The following RUSC2 variants were observed in gnomAD, a reference collection of about 807,000 sequenced individuals.
The protein encoded by RUSC2 is AP-4 complex accessory subunit RUSC2.
RUSC2 carries 34 observed loss-of-function variants against 122.2 expected under a neutral mutation model. That is an observed-to-expected ratio of 0.28 (90% CI 0.21 to 0.37). RUSC2 has a LOEUF of 0.37. Among genes scored for constraint, RUSC2 ranks in the 10% least tolerant of loss-of-function variants. RUSC2 has a pLI of 1.00. For synonymous variants in RUSC2, 784 were observed against 790.0 expected, an observed-to-expected ratio of 0.99 and a Z score of 0.13; for missense variants, 1,747 against 1,952.4, an observed-to-expected ratio of 0.89 and a Z score of 1.98.
Position 35,547,087 on chromosome 9 carries a change from A to G in RUSC2, c.566A>G (p.His189Arg), listed in dbSNP as rs1415427700. ...TLDTQQCGTS[H>R]CCRPELEAET... ...GATACTCAGCAGTGCGGCACCAGCC[A>G]CTGCTGCCGGCCAGAGCTGGAAGCA... is the stretch of plus-strand genomic sequence containing the variant. Residue 189 changes from histidine to arginine, a missense_variant, in exon 2 of 12, where the codon CAC becomes CGC. Transcript: ENST00000361226. The surrounding 1 kb of genome is among the most constrained non-coding windows in gnomAD (Gnocchi z 4.6). The G allele has an allele frequency of 6.2e-7, 1 of 1,613,882 alleles. No homozygotes were observed. The highest frequency in any genetic ancestry group is 1.3e-5 in the African/African-American group (1 of 74,924).
rs1252216574 is a variant in RUSC2 at position 35,561,547 on chromosome 9, T to TTAAC, written c.*167_*170dup. The TTAAC allele has an allele frequency of 6.4e-6, 4 of 625,472 alleles. No homozygotes were observed. In the African/African-American group the frequency reaches 7.4e-5, roughly 12 times the overall value. The allele number at this position is 625,472 out of a possible 1,614,324, so 38.7% of individuals were successfully genotyped here. A position where few individuals can be genotyped will look rare whatever the true frequency, so the allele number is the denominator to read the frequency against. On this transcript the variant is annotated 3_prime_UTR_variant, in exon 12 of 12. Coordinates refer to ENST00000361226, the MANE Select transcript of RUSC2 (RefSeq NM_014806.5). ...TGTGCTCAGTATTAATTACGCCCCC[T>TTAAC]TAACTGTCCCAGTGACCTTGTCCAG...
At chr9:35,536,824 A>AAG (rs1821539136) in intron 1 of RUSC2, among the ~76,000 whole-genome samples, 2 of 151,142 alleles carry the variant, frequency 1.3e-5, no homozygotes, top group South Asian at 4.2e-4. Flanking sequence ...AAAAAAAAAA[A>AAG]AAAAAAGAAT....
chr9:35,502,248 T>C (rs920510077), intron 1 of RUSC2, among the ~76,000 whole-genome samples: 5 of 152,312 alleles, frequency 3.3e-5, no homozygotes, highest in Non-Finnish European at 5.9e-5. Flanking sequence ...GTTCTCAGCC[T>C]CTTACTTAGT....
rs995599637 is a variant in RUSC2 at position 35,557,058 on chromosome 9, G to A, written c.2983+610G>A. Among the ~76,000 whole-genome samples the A allele has an allele frequency of 2.6e-5, 4 of 151,960 alleles. No homozygotes were observed. The highest frequency in any genetic ancestry group is 1.9e-4 in the East Asian group (1 of 5,168). On this transcript the variant is annotated intron_variant, in intron 5 of 11. Transcript: ENST00000361226. The surrounding 1 kb of genome is among the most constrained non-coding windows in gnomAD (Gnocchi z 4.6). ...ATGCCTCAGTGCTCTTGGAGGGGGC[G>A]GGTGAAGGTACTAGAGGGCCCAGCA... is the stretch of plus-strand genomic sequence containing the variant.
Position 35,535,368 on chromosome 9 carries a change from G to A in RUSC2, c.-92-11062G>A, listed in dbSNP as rs539162207. ...TGACCTCAGGTGATCTGCCCGCTTC[G>A]GCCCCCCAAAGTGCTAGGATTACAG... On this transcript the variant is annotated intron_variant, in intron 1 of 11. Transcript: ENST00000361226. 1.6e-4 allele frequency among the ~76,000 whole-genome samples: 24 copies of A among 151,438 alleles called. No homozygotes were observed. The Middle Eastern group carries it at 0.01, about 64-fold the overall frequency.
intron 1 of RUSC2, among the ~76,000 whole-genome samples, chr9:35,533,621 C>T (rs1821466723): frequency 6.6e-6 from 1 of 152,204 alleles, no homozygotes; most frequent in Non-Finnish European, 1.5e-5. Context: ...GCAGGCACTC[C>T]CCATCTCTCT....
At chr9:35,528,333 A>G (rs768673442) in intron 1 of RUSC2, among the ~76,000 whole-genome samples, 5 of 151,956 alleles carry the variant, frequency 3.3e-5, no homozygotes, top group Non-Finnish European at 5.9e-5. Flanking sequence ...GCAGCGGGCT[A>G]TGATTGGGCC....
chr9:35,496,355 G>T (rs1056800650), intron 1 of RUSC2, among the ~76,000 whole-genome samples: 1 of 152,084 alleles, frequency 6.6e-6, no homozygotes, highest in Non-Finnish European at 1.5e-5. Context: ...GTTCATCTTC[G>T]TAGAAACAAA....
intron 1 of RUSC2, among the ~76,000 whole-genome samples, chr9:35,535,437 A>AT (rs112502492): frequency 0.037 from 5,315 of 144,204 alleles, 168 homozygotes; most frequent in African/African-American, 0.09. Context: ...TTTTTGATAG[A>AT]TTTTTTTTTT....
In RUSC2 at chr9:35,527,385, A is replaced by C. The variant is rs114724868; in HGVS notation, c.-92-19045A>C. 5.2e-3 allele frequency among the ~76,000 whole-genome samples: 784 copies of C among 152,058 alleles called. 8 individuals carry two copies. Among genetic ancestry groups the C allele is most frequent in the African/African-American group, 0.018 (743 of 41,488 alleles). On this transcript the variant is annotated intron_variant, in intron 1 of 11. Transcript: ENST00000361226. The stretch of plus-strand genomic sequence containing the variant: ...TTGCTATGGTGCCCAGGCTCTTACC[A>C]AATTCCTGGCCTCAAGCAATCCTCC...
At chr9:35,517,243 A>G (rs1234751290) in intron 1 of RUSC2, among the ~76,000 whole-genome samples, 2 of 152,242 alleles carry the variant, frequency 1.3e-5, no homozygotes, top group Non-Finnish European at 2.9e-5. Context: ...AGGTGTCACC[A>G]TCAACAAAGA....
chr9:35,523,840 A>G (rs1587847696), intron 1 of RUSC2, among the ~76,000 whole-genome samples: 1 of 151,698 alleles, frequency 6.6e-6, no homozygotes, highest in East Asian at 1.9e-4. Context: ...AAAAATAAAA[A>G]TTTAAGCCAA....
At chr9:35,520,970 G>C (rs1407344) in intron 1 of RUSC2, among the ~76,000 whole-genome samples, 65,868 of 151,936 alleles carry the variant, frequency 0.43, 15,275 homozygotes, top group Admixed American at 0.54. Flanking sequence ...ATTCCCTATA[G>C]TCTTCCTCTC....
At chr9:35,528,176 G>A (rs1224632640) in intron 1 of RUSC2, among the ~76,000 whole-genome samples, 4 of 152,000 alleles carry the variant, frequency 2.6e-5, no homozygotes, top group Admixed American at 1.3e-4. Flanking sequence ...CCTTGAGGCC[G>A]GAAGTTCAAG....
intron 1 of RUSC2, among the ~76,000 whole-genome samples, chr9:35,525,644 C>G (rs1821309705): frequency 6.6e-6 from 1 of 152,116 alleles, no homozygotes; most frequent in Non-Finnish European, 1.5e-5. Flanking sequence ...ACTAAAAATA[C>G]AAAAATTAGC....
chr9:35,494,650 C>T (rs542311370), intron 1 of RUSC2, among the ~76,000 whole-genome samples: 4 of 151,800 alleles, frequency 2.6e-5, no homozygotes, highest in Non-Finnish European at 4.4e-5. Flanking sequence ...GGTTGTTTGT[C>T]GTTGAGTTGT....
At chr9:35,523,549 C>T (rs2132520260) in intron 1 of RUSC2, among the ~76,000 whole-genome samples, 1 of 152,260 alleles carries the variant, frequency 6.6e-6, no homozygotes, top group African/African-American at 2.4e-5. Context: ...GGCGTGGTGG[C>T]TCATGCCTAT....
At chr9:35,493,052 T>C (rs1820600511) in intron 1 of RUSC2, among the ~76,000 whole-genome samples, 1 of 152,122 alleles carries the variant, frequency 6.6e-6, no homozygotes, top group South Asian at 2.1e-4. Context: ...GATAAACTCA[T>C]TTCACAGGGG....
At chr9:35,501,017 G>A (rs771841339) in intron 1 of RUSC2, among the ~76,000 whole-genome samples, 1 of 152,014 alleles carries the variant, frequency 6.6e-6, no homozygotes, top group Non-Finnish European at 1.5e-5. Flanking sequence ...ATCTTATGAG[G>A]AAAAAAAGAC....
Sources: gnomAD v4.1 joint callset for allele counts (sites outside exome capture counted in the v4.1 genomes callset) on GRCh38, gnomAD v4.1.1 for gene constraint, Gnocchi (gnomAD v3.1) non-coding constraint, MANE v1.5 for transcripts, NCBI Gene and HGNC (gene_info 2026-07-23, HGNC 2026-07-21) for gene names.